TAF3: variants seen among roughly 807,000 people sequenced by gnomAD.
TAF3 encodes transcription initiation factor TFIID subunit 3.
Under a neutral mutation model 80.6 loss-of-function variants are expected in TAF3, and 7 were observed. That is an observed-to-expected ratio of 0.09 (90% CI 0.05 to 0.16). TAF3 has a LOEUF of 0.16. TAF3 is among the 10% of genes least tolerant of loss of function. The pLI, the probability that TAF3 is intolerant of heterozygous loss-of-function variation, is 1.00. For synonymous variants in TAF3, 444 were observed against 446.1 expected (o/e 1.00, Z 0.06); for missense variants, 921 against 1,140.2 (o/e 0.81, Z 2.77).
intron 2 of TAF3, among the ~76,000 whole-genome samples, chr10:7,902,461 A>AT (rs1377828992): frequency 6.6e-6 from 1 of 152,056 alleles, no homozygotes; most frequent in African/African-American, 2.4e-5. Context: ...TTCTTAGGAG[A>AT]TGTTATTAAG....
At chr10:7,948,719 A>G (rs755162406) in intron 2 of TAF3, among the ~76,000 whole-genome samples, 1 of 152,174 alleles carries the variant, frequency 6.6e-6, no homozygotes, top group Non-Finnish European at 1.5e-5. Context: ...ATACATAACA[A>G]CCAAAAGCTT....
At chr10:7,851,373 G>A (rs1179247501) in intron 2 of TAF3, among the ~76,000 whole-genome samples, 1 of 152,174 alleles carries the variant, frequency 6.6e-6, no homozygotes, top group Admixed American at 6.5e-5. Flanking sequence ...GACTGGAACA[G>A]GGGGTGGTTG....
At chr10:7,840,078 G>T (rs940142830) in intron 2 of TAF3, among the ~76,000 whole-genome samples, 4 of 151,942 alleles carry the variant, frequency 2.6e-5, no homozygotes, top group African/African-American at 9.7e-5. Flanking sequence ...GTATTTAAGG[G>T]ATTGAAAAAT....
At chr10:7,845,675 C>T (rs1469768607) in intron 2 of TAF3, among the ~76,000 whole-genome samples, 8 of 152,124 alleles carry the variant, frequency 5.3e-5, no homozygotes, top group Non-Finnish European at 1.0e-4. Context: ...TGAGAGGTCT[C>T]ATCTGAAATG....
intron 2 of TAF3, among the ~76,000 whole-genome samples, chr10:7,949,690 G>A (rs1358963226): frequency 2.0e-5 from 3 of 152,180 alleles, no homozygotes; most frequent in South Asian, 2.1e-4. Flanking sequence ...TACCACTAAG[G>A]TAAAAACAAA....
chr10:7,935,316 G>A (rs896594321), intron 2 of TAF3, among the ~76,000 whole-genome samples: 4 of 151,090 alleles, frequency 2.6e-5, no homozygotes, highest in African/African-American at 9.7e-5. Context: ...AAAATAAAGC[G>A]GCCAGGCGCG....
chr10:7,855,611 G>A (rs1353246915), intron 2 of TAF3, among the ~76,000 whole-genome samples: 1 of 152,132 alleles, frequency 6.6e-6, no homozygotes, highest in Non-Finnish European at 1.5e-5. Context: ...CTCTACAGTG[G>A]AGTCCCCACT....
Position 7,964,755 on chromosome 10 carries a change from T to C in TAF3, c.1245T>C (p.Ser415=). ...TCGAATTTTCTTCTGGATCGGAATCTGAAGGAGACATTTTTACTAGCCCTA... is the reference window on the plus strand; with the variant it reads ...TCGAATTTTCTTCTGGATCGGAATCCGAAGGAGACATTTTTACTAGCCCTA... The part of the protein sequence containing the change: ...DPFEFSSGSE[S]EGDIFTSPKR... The change falls in exon 3 of 7, where the codon TCT becomes TCC. Residue 415 remains serine (S), a synonymous_variant. Coordinates refer to ENST00000344293, the MANE Select transcript of TAF3 (RefSeq NM_031923.4). This position sits in a 1 kb window ranked among gnomAD's most constrained non-coding sequence, Gnocchi z 4.1. 1.2e-6 allele frequency: 2 copies of C among 1,614,194 alleles called. No homozygotes were observed. Among genetic ancestry groups the C allele is most frequent in the African/African-American group, 1.3e-5 (1 of 75,048 alleles).
At chr10:7,920,579 T>C (rs1446280279) in intron 2 of TAF3, among the ~76,000 whole-genome samples, 2 of 152,216 alleles carry the variant, frequency 1.3e-5, no homozygotes, top group Non-Finnish European at 2.9e-5. Flanking sequence ...TTCTGTATTA[T>C]TCACAGAAAC....
At chr10:7,933,401 G>T (rs1837887679) in intron 2 of TAF3, among the ~76,000 whole-genome samples, 1 of 152,222 alleles carries the variant, frequency 6.6e-6, no homozygotes, top group South Asian at 2.1e-4. Context: ...AATATCCAGT[G>T]TGGAGCCAAA....
intron 2 of TAF3, among the ~76,000 whole-genome samples, chr10:7,834,978 T>C (rs1332060387): frequency 6.6e-6 from 1 of 152,232 alleles, no homozygotes; most frequent in South Asian, 2.1e-4. Context: ...CATTTCAAGA[T>C]AGAACATTAT....
chr10:7,847,610 A>AT (rs902076451), intron 2 of TAF3, among the ~76,000 whole-genome samples: 8 of 151,476 alleles, frequency 5.3e-5, no homozygotes, highest in South Asian at 2.1e-4. Context: ...CATCCAGCTA[A>AT]TTTTTTTTTA....
At chr10:7,911,034 A>G (rs770047577) in intron 2 of TAF3, among the ~76,000 whole-genome samples, 3 of 152,180 alleles carry the variant, frequency 2.0e-5, no homozygotes, top group Non-Finnish European at 4.4e-5. Flanking sequence ...CACTAAATGA[A>G]ATGTATGTGT....
At chr10:7,998,241 C>CTATATA (rs59519247) in intron 4 of TAF3, among the ~76,000 whole-genome samples, 2 of 134,432 alleles carry the variant, frequency 1.5e-5, no homozygotes, top group East Asian at 4.3e-4. Context: ...TGAGTGAGAA[C>CTATATA]TATATATATA....
At chr10:7,990,653 G>A (rs140141831) in intron 4 of TAF3, among the ~76,000 whole-genome samples, 81 of 152,270 alleles carry the variant, frequency 5.3e-4, no homozygotes, top group African/African-American at 1.7e-3. Flanking sequence ...AGATTGTCTG[G>A]CATTTGGCTG....
At chr10:7,914,553 C>T (rs115789652) in intron 2 of TAF3, among the ~76,000 whole-genome samples, 1,693 of 152,314 alleles carry the variant, frequency 0.011, 33 homozygotes, top group African/African-American at 0.038. Context: ...GTGGCAGGTT[C>T]TCAGTAAATG....
chr10:7,844,575 A>C (rs1053604040), intron 2 of TAF3, among the ~76,000 whole-genome samples: 2 of 151,894 alleles, frequency 1.3e-5, no homozygotes, highest in Non-Finnish European at 2.9e-5. Context: ...ATGGGGTTTC[A>C]CCATGTTGGC....
chr10:8,009,060 CTCT>C lies in TAF3; in HGVS notation c.2316-13_2316-11del. On this transcript the variant is annotated splice_polypyrimidine_tract_variant and intron_variant, in intron 4 of 6. Coordinates refer to ENST00000344293, the MANE Select transcript of TAF3 (RefSeq NM_031923.4). The surrounding 1 kb of genome is among the most constrained non-coding windows in gnomAD (Gnocchi z 4.1). ...ATGATCCTGTTTTGACTTTTACCTT[CTCT>C]TCTTTTGTTGACAGTGTCATCAGCA... 2 of 1,593,830 alleles carry C rather than the reference CTCT, an allele frequency of 1.3e-6. No homozygotes were observed. Among genetic ancestry groups the C allele is most frequent in the Non-Finnish European group, 1.7e-6 (2 of 1,170,458 alleles).
chr10:7,947,446 C>G (rs1266517261), intron 2 of TAF3, among the ~76,000 whole-genome samples: 1 of 152,054 alleles, frequency 6.6e-6, no homozygotes, highest in Non-Finnish European at 1.5e-5. Flanking sequence ...GCTAAGCAAA[C>G]ATTCTGTGGT....
Sources: allele counts gnomAD v4.1 joint callset (sites outside exome capture counted in the v4.1 genomes callset), GRCh38; gene constraint gnomAD v4.1.1; non-coding constraint Gnocchi (gnomAD v3.1); transcripts MANE v1.5; gene names NCBI Gene and HGNC (gene_info 2026-07-23, HGNC 2026-07-21).